The following AP3B1 variants were observed in gnomAD, a reference collection of about 807,000 sequenced individuals.
AP3B1 encodes adaptor related protein complex 3 subunit beta 1.
A neutral mutation model predicts 132.5 loss-of-function variants in AP3B1; 61 were observed. The ratio of observed to expected loss-of-function variants is 0.46; its 90% CI spans 0.37 to 0.57. The LOEUF is 0.57. Ranked by LOEUF, AP3B1 falls within the 20% of genes least tolerant of loss-of-function variation. AP3B1 has a pLI of 0.00. For missense variants in AP3B1, 1,120 were observed against 1,289.4 expected, an observed-to-expected ratio of 0.87 and a Z score of 2.01; for synonymous variants, 388 against 438.3, an observed-to-expected ratio of 0.89 and a Z score of 1.43.
At chr5:78,203,158 T>C (rs2112454882) in intron 7 of AP3B1, among the ~76,000 whole-genome samples, 1 of 152,306 alleles carries the variant, frequency 6.6e-6, no homozygotes, top group East Asian at 1.9e-4. Flanking sequence ...CAAGATTCTC[T>C]TTTTGTCCTT....
intron 15 of AP3B1, among the ~76,000 whole-genome samples, chr5:78,136,233 T>TA (rs1561432080): frequency 6.6e-6 from 1 of 152,140 alleles, no homozygotes; most frequent in East Asian, 1.9e-4. Context: ...TAGGCACTAT[T>TA]ATGTGCAAGG....
At position 78,275,793 on chromosome 5, in the gene AP3B1, C is replaced by A. The variant is rs139049859; in HGVS notation, c.129-8198G>T. Among the ~76,000 whole-genome samples, 984 of 152,130 alleles carry A rather than the reference C, an allele frequency of 6.5e-3. 7 individuals carry two copies. Among genetic ancestry groups the A allele is most frequent in the African/African-American group, 0.022 (925 of 41,482 alleles). On this transcript the variant is annotated intron_variant, in intron 1 of 26. Transcript: ENST00000255194. Reference sequence around the variant, plus strand: ...GGCCATGATTGGCAATTTTAACACACCTCTCAGTAACTGGCAGAACCAGGA... The same window carrying A: ...GGCCATGATTGGCAATTTTAACACAACTCTCAGTAACTGGCAGAACCAGGA...
At chr5:78,256,177 G>A (rs1169926712) in intron 2 of AP3B1, among the ~76,000 whole-genome samples, 1 of 151,270 alleles carries the variant, frequency 6.6e-6, no homozygotes, top group East Asian at 1.9e-4. Flanking sequence ...ATAGAGACCA[G>A]AGAAGAAATA....
At chr5:78,013,422 C>T (rs1398733359) in intron 26 of AP3B1, among the ~76,000 whole-genome samples, 1 of 151,962 alleles carries the variant, frequency 6.6e-6, no homozygotes, top group Non-Finnish European at 1.5e-5. Context: ...AAAAAGAAAC[C>T]CAAAACAACC....
At chr5:78,046,313 G>A (rs949753282) in intron 22 of AP3B1, among the ~76,000 whole-genome samples, 8 of 152,180 alleles carry the variant, frequency 5.3e-5, no homozygotes, top group Non-Finnish European at 1.2e-4. Flanking sequence ...ACCCTATTGT[G>A]AACTGCGCAT....
chr5:78,020,584 T>C, intron 25 of AP3B1, 108 bp downstream of exon 25: 3 of 842,914 alleles, frequency 3.6e-6, no homozygotes, highest in South Asian at 1.5e-5. Flanking sequence ...TGTGCACTAA[T>C]ATCTGTTAAT....
chr5:78,144,316 C>T (rs1753289190), intron 14 of AP3B1, among the ~76,000 whole-genome samples: 1 of 152,136 alleles, frequency 6.6e-6, no homozygotes, highest in African/African-American at 2.4e-5. Context: ...CCACCACAAC[C>T]CATTAATTTG....
Position 78,089,516 on chromosome 5 carries a change from A to AT in AP3B1, c.2471-18_2471-17insA. 1.3e-6 allele frequency: 2 copies of AT among 1,481,878 alleles called. No homozygotes were observed. Among genetic ancestry groups the AT allele is most frequent in the Non-Finnish European group, 1.9e-6 (2 of 1,059,542 alleles). The allele number at this position is 1,481,878 out of a possible 1,614,324, so 91.8% of individuals were successfully genotyped here. On this transcript the variant is annotated splice_polypyrimidine_tract_variant and intron_variant, in intron 21 of 26. Coordinates refer to ENST00000255194, the MANE Select transcript of AP3B1 (RefSeq NM_003664.5). ...CTGGGTTAACTGTAAGAAAAGGCCC[A>AT]AATTAGTAAATGTGCATGAACGTTT...
chr5:78,183,521 A>G (rs1296768240), intron 7 of AP3B1, among the ~76,000 whole-genome samples: 1 of 152,206 alleles, frequency 6.6e-6, no homozygotes, highest in Non-Finnish European at 1.5e-5. Context: ...TGCTTCGATG[A>G]GCAATTGAGA....
chr5:78,234,028 AC>A (rs1354219663), intron 3 of AP3B1, among the ~76,000 whole-genome samples: 1 of 152,072 alleles, frequency 6.6e-6, no homozygotes, highest in Non-Finnish European at 1.5e-5. Context: ...CTGTTTTTTA[AC>A]CCCAATTGCA....
chr5:78,285,248 C>CAA (rs369311356), intron 1 of AP3B1, among the ~76,000 whole-genome samples: 90 of 133,356 alleles, frequency 6.7e-4, no homozygotes, highest in Middle Eastern at 3.9e-3. Flanking sequence ...GACTCTGTCT[C>CAA]AAAAAAAAAA....
intron 1 of AP3B1, among the ~76,000 whole-genome samples, chr5:78,274,272 T>C (rs908114397): frequency 6.6e-6 from 1 of 151,532 alleles, no homozygotes; most frequent in African/African-American, 2.4e-5. Flanking sequence ...ATAGGTTTAA[T>C]GGCAGACTGG....
intron 26 of AP3B1, among the ~76,000 whole-genome samples, chr5:78,004,948 CAT>C (rs1277722716): frequency 6.6e-6 from 1 of 152,258 alleles, no homozygotes; most frequent in Admixed American, 6.5e-5. Flanking sequence ...CTTTGAGAAA[CAT>C]AAAGATCACC....
intron 7 of AP3B1, among the ~76,000 whole-genome samples, chr5:78,193,744 T>TTATA (rs10602406): frequency 7.8e-4 from 86 of 110,382 alleles, no homozygotes; most frequent in Middle Eastern, 6.0e-3. Flanking sequence ...ATATATTTTT[T>TTATA]TATATATATA....
chr5:78,114,412 T>C (rs1157477367), intron 18 of AP3B1, among the ~76,000 whole-genome samples: 2 of 152,118 alleles, frequency 1.3e-5, no homozygotes, highest in Non-Finnish European at 2.9e-5. Flanking sequence ...GACCTCCAAA[T>C]TCAAAGACAA....
At chr5:78,167,613 A>T (rs1743693852) in intron 11 of AP3B1, among the ~76,000 whole-genome samples, 1 of 151,572 alleles carries the variant, frequency 6.6e-6, no homozygotes, top group Admixed American at 6.6e-5. Context: ...ACATGTGGAT[A>T]AAGAACATGT....
At chr5:78,080,172 C>T (rs983437531) in intron 22 of AP3B1, among the ~76,000 whole-genome samples, 1 of 152,054 alleles carries the variant, frequency 6.6e-6, no homozygotes, top group African/African-American at 2.4e-5. Flanking sequence ...CCATGCCCTG[C>T]TAATTTTTGT....
At chr5:78,076,847 A>G (rs961903508) in intron 22 of AP3B1, among the ~76,000 whole-genome samples, 1 of 152,186 alleles carries the variant, frequency 6.6e-6, no homozygotes, top group Non-Finnish European at 1.5e-5. Flanking sequence ...GGGTAACCCA[A>G]AAGTTTCACA....
chr5:78,289,471 A>T (rs1749418867), intron 1 of AP3B1, among the ~76,000 whole-genome samples: 1 of 152,210 alleles, frequency 6.6e-6, no homozygotes, highest in Admixed American at 6.5e-5. Flanking sequence ...GAATCTAAAC[A>T]AATGAAAAGC....
Sources: gnomAD v4.1 joint callset for allele counts (sites outside exome capture counted in the v4.1 genomes callset) on GRCh38, gnomAD v4.1.1 for gene constraint, MANE v1.5 for transcripts, NCBI Gene and HGNC (gene_info 2026-07-23, HGNC 2026-07-21) for gene names.